The following CNTNAP5 variants were observed in gnomAD, a reference collection of about 807,000 sequenced individuals.
CNTNAP5 encodes contactin-associated protein-like 5.
In CNTNAP5, 72 loss-of-function variants were observed where a neutral mutation model predicts 150.2. That is an observed-to-expected ratio of 0.48 (90% confidence interval 0.40 to 0.58). CNTNAP5 has a LOEUF of 0.58. Ranked by LOEUF, CNTNAP5 falls within the 20% of genes least tolerant of loss-of-function variation. The pLI, the probability that CNTNAP5 is intolerant of heterozygous loss-of-function variation, is 0.00. For missense variants in CNTNAP5, 1,636 were observed against 1,626.2 expected (o/e 1.01, Z -0.10); for synonymous variants, 672 against 619.8 (o/e 1.08, Z -1.25).
intron 1 of CNTNAP5, among the ~76,000 whole-genome samples, chr2:124,138,603 T>C (rs1684030993): frequency 6.6e-6 from 1 of 152,242 alleles, no homozygotes. Context: ...GGGCTTCAAC[T>C]GTTCTAGCAT....
intron 1 of CNTNAP5, among the ~76,000 whole-genome samples, chr2:124,159,906 A>T (rs542701534): frequency 1.3e-5 from 2 of 152,348 alleles, no homozygotes; most frequent in South Asian, 4.1e-4. Flanking sequence ...AAGAAGGAGA[A>T]TAACTAGGAG....
rs1274220426 is a variant in CNTNAP5, at chr2:124,148,941, CATAT to C, written c.83-72760_83-72757del. On this transcript the variant is annotated intron_variant, in intron 1 of 23. Coordinates refer to ENST00000682447, the MANE Select transcript of CNTNAP5 (RefSeq NM_001367498.1). Reference sequence around the variant, plus strand: ...ACACATATATGTATGTATATATACACATATATAGGCACACACACTCAAATATATA... The same window carrying C: ...ACACATATATGTATGTATATATACACATAGGCACACACACTCAAATATATA... Among the ~76,000 whole-genome samples the C allele has an allele frequency of 2.6e-5, 4 of 151,810 alleles. No individual in the cohort carries two copies. In the East Asian group the frequency reaches 7.8e-4, roughly 30 times the overall value.
chr2:124,676,819 G>A (rs1678949157), intron 13 of CNTNAP5, among the ~76,000 whole-genome samples: 1 of 152,174 alleles, frequency 6.6e-6, no homozygotes. Flanking sequence ...AGACTCCTTG[G>A]ATGGTTAAAA....
intron 1 of CNTNAP5, among the ~76,000 whole-genome samples, chr2:124,123,046 G>A (rs1188137315): frequency 6.6e-6 from 1 of 152,046 alleles, no homozygotes; most frequent in African/African-American, 2.4e-5. Context: ...GAGGTACCGG[G>A]TTCATCTCAC....
chr2:124,805,874 G>A lies in CNTNAP5; in HGVS notation c.3217+7554G>A, dbSNP rs76514296. ...GAGAAAGGGAGAGAGAGACAGAGGG[G>A]CTTTGCTGGTGTCTCTTCTTATAAG... is the stretch of plus-strand genomic sequence containing the variant. On this transcript the variant is annotated intron_variant, in intron 19 of 23. Coordinates refer to ENST00000682447, the MANE Select transcript of CNTNAP5 (RefSeq NM_001367498.1). 9.8e-3 allele frequency among the ~76,000 whole-genome samples: 1,495 copies of A among 152,254 alleles called. 27 individuals carry two copies. The highest frequency in any genetic ancestry group is 0.034 in the African/African-American group (1,432 of 41,554).
chr2:124,176,432 A>G (rs1685065839), intron 1 of CNTNAP5, among the ~76,000 whole-genome samples: 1 of 152,146 alleles, frequency 6.6e-6, no homozygotes. Flanking sequence ...ACTCAATTGG[A>G]TAGTATAGGG....
In CNTNAP5 at chr2:124,917,752, A is replaced by G. The variant is rs1040656441; in HGVS notation, c.*3464A>G. 2.0e-4 allele frequency among the ~76,000 whole-genome samples: 30 copies of G among 152,052 alleles called. No individual in the cohort carries two copies. Among genetic ancestry groups the G allele is most frequent in the Admixed American group, 1.6e-3 (25 of 15,248 alleles). On this transcript the variant is annotated 3_prime_UTR_variant, in exon 24 of 24. Coordinates refer to ENST00000682447, the MANE Select transcript of CNTNAP5 (RefSeq NM_001367498.1). ...GCCGGGCTAGGCATTGGGTGAACAT[A>G]TATAAATTACACCTTGTTTTTGCCC...
In CNTNAP5 at chr2:124,261,520, C is replaced by T. The variant is rs915232684; in HGVS notation, c.381+19127C>T. ...TAAGAAGCAGCAGCAGCAGTAGCAT[C>T]GATAGCATTTCCCAATACCCCTACT... On this transcript the variant is annotated intron_variant, in intron 3 of 23. Coordinates refer to ENST00000682447, the MANE Select transcript of CNTNAP5 (RefSeq NM_001367498.1). Among the ~76,000 whole-genome samples, 6 of 152,282 alleles carry T rather than the reference C, an allele frequency of 3.9e-5. No individual in the cohort carries two copies. In the South Asian group the frequency reaches 1.0e-3, roughly 26 times the overall value.
At chr2:124,378,525 C>CT (rs1290298095) in intron 3 of CNTNAP5, among the ~76,000 whole-genome samples, 1 of 151,984 alleles carries the variant, frequency 6.6e-6, no homozygotes, top group Non-Finnish European at 1.5e-5. Context: ...GTACATATGT[C>CT]TGATTTTTTT....
At chr2:124,693,800 TAAAACAAAAGAA>T (rs1260146387) in intron 13 of CNTNAP5, among the ~76,000 whole-genome samples, 16 of 34,466 alleles carry the variant, frequency 4.6e-4, no homozygotes, top group Admixed American at 2.4e-3. Flanking sequence ...TAAGGCAAAA[TAAAACAAAAGAA>T]AAAACAAAAG....
At chr2:124,688,596 A>G (rs2105076635) in intron 13 of CNTNAP5, among the ~76,000 whole-genome samples, 1 of 152,184 alleles carries the variant, frequency 6.6e-6, no homozygotes, top group East Asian at 1.9e-4. Flanking sequence ...TACAAAAAGG[A>G]AGAATCCATT....
At chr2:124,605,557 C>T (rs1697084125) in intron 11 of CNTNAP5, among the ~76,000 whole-genome samples, 3 of 151,972 alleles carry the variant, frequency 2.0e-5, no homozygotes, top group African/African-American at 7.2e-5. Context: ...TGGCTCACAC[C>T]TGTAATCCCT....
intron 3 of CNTNAP5, among the ~76,000 whole-genome samples, chr2:124,255,334 C>G (rs1392367043): frequency 6.6e-6 from 1 of 151,790 alleles, no homozygotes; most frequent in Non-Finnish European, 1.5e-5. Flanking sequence ...ACAATCCTGG[C>G]CAACATGGTG....
At chr2:124,521,468 G>A (rs1376724152) in intron 8 of CNTNAP5, among the ~76,000 whole-genome samples, 1 of 152,168 alleles carries the variant, frequency 6.6e-6, no homozygotes, top group Non-Finnish European at 1.5e-5. Context: ...GCGATGTGGG[G>A]AGAGGACAGG....
At chr2:124,165,137 G>A (rs961081709) in intron 1 of CNTNAP5, among the ~76,000 whole-genome samples, 4 of 152,176 alleles carry the variant, frequency 2.6e-5, no homozygotes, top group African/African-American at 9.6e-5. Flanking sequence ...GAGTTATCAG[G>A]TGATGATATA....
chr2:124,498,620 G>A lies in CNTNAP5; in HGVS notation c.1063-5672G>A, dbSNP rs186784870. 1.1e-4 allele frequency among the ~76,000 whole-genome samples: 16 copies of A among 152,230 alleles called. No individual in the cohort carries two copies. The East Asian group carries it at 2.3e-3, about 22-fold the overall frequency. On this transcript the variant is annotated intron_variant, in intron 7 of 23. Coordinates refer to ENST00000682447, the MANE Select transcript of CNTNAP5 (RefSeq NM_001367498.1). ...CTTGGCCTTCTTATTTCTTTAACAC[G>A]TAAAAATATATCATCTTTTGCTCAC... is the stretch of plus-strand genomic sequence containing the variant.
At chr2:124,687,602 C>G (rs777629919) in intron 13 of CNTNAP5, among the ~76,000 whole-genome samples, 1 of 89,606 alleles carries the variant, frequency 1.1e-5, no homozygotes, top group Non-Finnish European at 2.3e-5. Flanking sequence ...CAGGAAGCAA[C>G]TTCTATATTC....
At chr2:124,688,319 C>T (rs557910154) in intron 13 of CNTNAP5, among the ~76,000 whole-genome samples, 1 of 151,898 alleles carries the variant, frequency 6.6e-6, no homozygotes, top group East Asian at 1.9e-4. Flanking sequence ...GAGTCTAGAC[C>T]TTATTTTTTC....
intron 3 of CNTNAP5, among the ~76,000 whole-genome samples, chr2:124,349,899 T>TTTTTTTTTTTTG (rs1553460408): frequency 8.7e-6 from 1 of 115,294 alleles, no homozygotes; most frequent in Non-Finnish European, 1.8e-5. Context: ...TTTTTTTTTT[T>TTTTTTTTTTTTG]TTTGAGACAG....
Sources: gnomAD v4.1 joint callset for allele counts (sites outside exome capture counted in the v4.1 genomes callset) on GRCh38, gnomAD v4.1.1 for gene constraint, MANE v1.5 for transcripts, NCBI Gene and HGNC (gene_info 2026-07-23, HGNC 2026-07-21) for gene names.